PARL: variants seen among roughly 807,000 people sequenced by gnomAD.
PARL encodes presenilin-associated rhomboid-like protein, mitochondrial.
In PARL, 44 loss-of-function variants were observed where a neutral mutation model predicts 51.6. That is an observed-to-expected ratio of 0.85 (90% CI 0.67 to 1.10). The LOEUF (loss-of-function observed/expected upper bound fraction) is 1.10. Among genes scored for constraint, PARL ranks in the 50% least tolerant of loss-of-function variants. PARL has a pLI of 0.00. For missense variants in PARL, 441 were observed against 469.5 expected (o/e 0.94, Z 0.56); for synonymous variants, 172 against 164.0 (o/e 1.05, Z -0.37).
At position 183,884,605 on chromosome 3, in the gene PARL, G is replaced by T. The variant is rs987648944; in HGVS notation, c.125+117C>A. The T allele has an allele frequency of 6.0e-6, 6 of 1,003,108 alleles. No individual in the cohort carries two copies. The African/African-American group carries it at 8.0e-5, about 13-fold the overall frequency. 62.1% of individuals were successfully genotyped at this position (1,003,108 alleles called of 1,614,324 possible). A position where few individuals can be genotyped will look rare whatever the true frequency, so the allele number is the denominator to read the frequency against. ...GAGAGGAGAGAGAAGGGGCAGGTAA[G>T]GTGAAGGGGGTGAGCTGGGGCCAGC... On this transcript the variant is annotated intron_variant, in intron 1 of 9. Transcript: ENST00000317096.
Position 183,873,874 on chromosome 3 carries a change from G to T in PARL, c.126-5814C>A, listed in dbSNP as rs148092651. On this transcript the variant is annotated intron_variant, in intron 1 of 9. Coordinates refer to ENST00000317096, the MANE Select transcript of PARL (RefSeq NM_018622.7). ...CACCAGAAGTGTGCATCAAGCTGAGGACATTAAGAGTACATTACACAAGCT... is the reference window on the plus strand; with the variant it reads ...CACCAGAAGTGTGCATCAAGCTGAGTACATTAAGAGTACATTACACAAGCT... Among the ~76,000 whole-genome samples, 219 of 152,154 alleles carry T rather than the reference G, an allele frequency of 1.4e-3. 1 individual carries two copies. The highest frequency in any genetic ancestry group is 3.4e-3 in the Middle Eastern group (1 of 294).
intron 1 of PARL, among the ~76,000 whole-genome samples, chr3:183,876,970 G>A (rs1353681935): frequency 6.6e-6 from 1 of 152,240 alleles, no homozygotes; most frequent in East Asian, 1.9e-4. Flanking sequence ...CCAGTACCCT[G>A]GGAGGCCGAG....
rs201784861 is a variant in PARL, at chr3:183,882,518, TC to T, written c.125+2203del. On this transcript the variant is annotated intron_variant, in intron 1 of 9. Transcript: ENST00000317096. ...AATATAAAATGTTAAGTGTTACAAT[TC>T]AACTATTTTCTTCCCTTGGATAGTT... Among the ~76,000 whole-genome samples, 1,019 of 152,044 alleles carry T rather than the reference TC, an allele frequency of 6.7e-3. 8 individuals carry two copies. The highest frequency in any genetic ancestry group is 0.017 in the Middle Eastern group (5 of 294).
intron 1 of PARL, among the ~76,000 whole-genome samples, chr3:183,875,493 A>G (rs140097611): frequency 7.2e-5 from 11 of 152,162 alleles, no homozygotes; most frequent in African/African-American, 2.2e-4. Context: ...TTACATGAAT[A>G]GAAGATCAAA....
intron 4 of PARL, among the ~76,000 whole-genome samples, chr3:183,856,073 G>C (rs1387258159): frequency 6.6e-6 from 1 of 152,010 alleles, no homozygotes; most frequent in Non-Finnish European, 1.5e-5. Context: ...CCCTGCCCAG[G>C]GCTGGGAACC....
chr3:183,856,395 C>A (rs138392176), intron 4 of PARL: 1 of 152,592 alleles, frequency 6.6e-6, no homozygotes, highest in Non-Finnish European at 1.5e-5. Context: ...CAAGTACATC[C>A]ACAGCAGCCA....
chr3:183,882,287 A>ATATT (rs1560442616), intron 1 of PARL, among the ~76,000 whole-genome samples: 36 of 113,132 alleles, frequency 3.2e-4, no homozygotes, highest in African/African-American at 1.1e-3. Flanking sequence ...ATATATACAC[A>ATATT]CACACATATA....
chr3:183,844,265 T>C lies in PARL; in HGVS notation c.573A>G (p.Thr191=). Residue 191 remains threonine (T), a synonymous_variant, in exon 5 of 10, where the codon ACA becomes ACG. Transcript: ENST00000317096. ...CLWRVPSLQR[T]MIRYFTSNPA... The stretch of plus-strand genomic sequence containing the variant: ...GATTCGATGTGAAATATCTGATCAT[T>C]GTCCGCTGCAGAGAAGGTACTCTCC... The C allele has an allele frequency of 6.2e-7, 1 of 1,608,892 alleles. No individual in the cohort carries two copies. The highest frequency in any genetic ancestry group is 8.5e-7 in the Non-Finnish European group (1 of 1,175,932).
In PARL at chr3:183,833,816, T is replaced by C. The variant is rs1360262135; in HGVS notation, c.838A>G (p.Ile280Val). The change falls in exon 8 of 10, where the codon ATC becomes GTC. Residue 280 changes from isoleucine to valine, a missense_variant. Physicochemically the swap from Ile to Val is conservative, Grantham distance 29. Transcript: ENST00000317096. ...CAGACAGCTGCGAGGACTGTCATGA[T>C]GGCACCAGACTGCAAAGTAACACAG... ...YGPSLGASGAIMTVLAAVCTK... is the reference protein window; with the variant it reads ...YGPSLGASGAVMTVLAAVCTK... 1.2e-6 allele frequency: 2 copies of C among 1,609,070 alleles called. No homozygotes were observed. The highest frequency in any genetic ancestry group is 1.7e-5 in the Admixed American group (1 of 60,002).
intron 4 of PARL, among the ~76,000 whole-genome samples, chr3:183,856,238 A>G (rs1168921107): frequency 6.6e-6 from 1 of 152,190 alleles, no homozygotes; most frequent in Non-Finnish European, 1.5e-5. Context: ...TCATTTTCCT[A>G]TAAAGGACTT....
chr3:183,834,280 T>G (rs1728295163), intron 7 of PARL, among the ~76,000 whole-genome samples: 1 of 152,170 alleles, frequency 6.6e-6, no homozygotes, highest in Admixed American at 6.6e-5. Flanking sequence ...ACATTGCCAG[T>G]GTGGTGGCTC....
chr3:183,861,140 G>T (rs763690906), intron 4 of PARL: 11 of 384,096 alleles, frequency 2.9e-5, no homozygotes, highest in Admixed American at 6.4e-5. Context: ...AAAGAAGCAA[G>T]CAAACAAAAT....
chr3:183,882,041 A>C (rs2108726526), intron 1 of PARL, among the ~76,000 whole-genome samples: 1 of 151,152 alleles, frequency 6.6e-6, no homozygotes, highest in Middle Eastern at 3.4e-3. Context: ...TCTCTACAAA[A>C]AACACAAAAC....
chr3:183,864,519 G>C (rs1487256720), intron 3 of PARL, among the ~76,000 whole-genome samples: 2 of 152,154 alleles, frequency 1.3e-5, no homozygotes, highest in Non-Finnish European at 2.9e-5. Context: ...GCTCATGCCT[G>C]TAATCCCAGC....
intron 1 of PARL, among the ~76,000 whole-genome samples, chr3:183,871,540 G>T (rs114438149): frequency 0.011 from 1,596 of 150,210 alleles, 30 homozygotes; most frequent in African/African-American, 0.037. Context: ...AAAGGCTTGG[G>T]GGGGAGGGGT....
chr3:183,882,435 A>AGAGAGAGAGAGAGT (rs1560443426), intron 1 of PARL, among the ~76,000 whole-genome samples: 1 of 149,256 alleles, frequency 6.7e-6, no homozygotes, highest in African/African-American at 2.5e-5. Context: ...AGAGAGAGAG[A>AGAGAGAGAGAGAGT]AAGAGAGAGA....
At chr3:183,830,867 G>C (rs1577266564) in intron 9 of PARL, among the ~76,000 whole-genome samples, 1 of 152,076 alleles carries the variant, frequency 6.6e-6, no homozygotes, top group Non-Finnish European at 1.5e-5. Flanking sequence ...TAAGTCTCTG[G>C]TGAATTTAGA....
intron 1 of PARL, among the ~76,000 whole-genome samples, chr3:183,868,742 T>C (rs1732828249): frequency 6.6e-6 from 1 of 152,238 alleles, no homozygotes; most frequent in South Asian, 2.1e-4. Flanking sequence ...ACTTCTGGTT[T>C]TTTGTTTAAA....
At chr3:183,850,047 A>AACTT (rs2108631661) in intron 4 of PARL, among the ~76,000 whole-genome samples, 1 of 152,292 alleles carries the variant, frequency 6.6e-6, no homozygotes, top group African/African-American at 2.4e-5. Flanking sequence ...TAATTCAAAA[A>AACTT]ACTTACCACA....
Sources: gnomAD v4.1 joint callset for allele counts (sites outside exome capture counted in the v4.1 genomes callset) on GRCh38, gnomAD v4.1.1 for gene constraint, MANE v1.5 for transcripts, NCBI Gene and HGNC (gene_info 2026-07-23, HGNC 2026-07-21) for gene names.